XRCC6: variants seen among roughly 807,000 people sequenced by gnomAD.
XRCC6 encodes the protein X-ray repair cross complementing 6.
Under a neutral mutation model 65.7 loss-of-function variants are expected in XRCC6, and 5 were observed. That is an observed-to-expected ratio of 0.08 (90% CI 0.04 to 0.16). The LOEUF (loss-of-function observed/expected upper bound fraction) is 0.16. Ranked by LOEUF, XRCC6 falls within the 10% of genes least tolerant of loss-of-function variation. The pLI, the probability that XRCC6 is intolerant of heterozygous loss-of-function variation, is 1.00. For synonymous variants in XRCC6, 270 were observed against 270.6 expected (o/e 1.00, Z 0.02); for missense variants, 447 against 738.1 (o/e 0.61, Z 4.57).
intron 6 of XRCC6, among the ~76,000 whole-genome samples, chr22:41,644,526 C>T (rs780812292): frequency 9.2e-5 from 14 of 152,058 alleles, no homozygotes; most frequent in Non-Finnish European, 1.8e-4. Flanking sequence ...GGTCTGTCGT[C>T]CCAGGCTGGA....
chr22:41,637,630 C>T lies in XRCC6; in HGVS notation c.612C>T (p.His204=). The T allele has an allele frequency of 6.2e-7, 1 of 1,607,014 alleles. No homozygotes were observed. Among genetic ancestry groups the T allele is most frequent in the Non-Finnish European group, 8.5e-7 (1 of 1,177,286 alleles). ...RDTGIFLDLM[H]LKKPGGFDIS... ...CAGGCATCTTCCTTGACTTGATGCACCTGAAGAAACCTGGGGGCTTTGACA... is the reference window on the plus strand; with the variant it reads ...CAGGCATCTTCCTTGACTTGATGCATCTGAAGAAACCTGGGGGCTTTGACA... The change falls in exon 6 of 13, where the codon CAC becomes CAT. Residue 204 remains histidine, a synonymous_variant. Coordinates refer to ENST00000360079, the MANE Select transcript of XRCC6 (RefSeq NM_001469.5).
rs750448678 is a variant in XRCC6 at position 41,636,650 on chromosome 22, G to A, written c.469G>A (p.Val157Ile). 1.2e-6 allele frequency: 2 copies of A among 1,614,022 alleles called. No homozygotes were observed. Among genetic ancestry groups the A allele is most frequent in the South Asian group, 1.1e-5 (1 of 91,072 alleles). The change falls in exon 5 of 13, where the codon GTC becomes ATC. Residue 157 changes from valine to isoleucine, a missense_variant. This residue lies in a region of XRCC6 where 228 missense variants were observed against 307.4 expected (regional missense o/e 0.74). Transcript: ENST00000360079. ...LWVCANLFSDVQFKMSHKRIM... is the reference protein window; with the variant it reads ...LWVCANLFSDIQFKMSHKRIM... ...GGTCTGTGCCAACCTCTTTAGTGAT[G>A]TCCAATTCAAGATGAGTCATAAGAG...
intron 2 of XRCC6, 21 bp from the exon 3 acceptor site, chr22:41,628,096 TC>T: frequency 6.5e-7 from 1 of 1,527,854 alleles, no homozygotes; most frequent in African/African-American, 1.4e-5. Flanking sequence ...ACAAACATTT[TC>T]TTCCATTTTT....
chr22:41,642,456 T>A (rs1434222295), intron 6 of XRCC6, among the ~76,000 whole-genome samples: 1 of 152,202 alleles, frequency 6.6e-6, no homozygotes, highest in African/African-American at 2.4e-5. Context: ...TTTAACTTGA[T>A]GTGATCCTAT....
intron 6 of XRCC6, among the ~76,000 whole-genome samples, 169 bp from the exon 7 acceptor site, chr22:41,646,727 A>T (rs969042593): frequency 6.6e-6 from 1 of 152,158 alleles, no homozygotes. Flanking sequence ...ACAGATTCTG[A>T]GGTGGTATAG....
chr22:41,627,980 CAT>C (rs754888959), intron 2 of XRCC6, 136 bp from the exon 3 acceptor site: 4 of 520,382 alleles, frequency 7.7e-6, no homozygotes, highest in Non-Finnish European at 1.3e-5. Context: ...AATTTCCTGA[CAT>C]AGGTGGAGAT....
chr22:41,627,847 C>T (rs1472217552), intron 2 of XRCC6, among the ~76,000 whole-genome samples: 2 of 151,890 alleles, frequency 1.3e-5, no homozygotes, highest in African/African-American at 2.4e-5. Context: ...GCACTCCAGC[C>T]TGGGTGATGG....
At chr22:41,632,131 AGGGAGACCGTG>A (rs1482087271) in intron 3 of XRCC6, among the ~76,000 whole-genome samples, 76 of 147,804 alleles carry the variant, frequency 5.1e-4, no homozygotes, top group East Asian at 2.7e-3. Context: ...AGAGAGGGAG[AGGGAGACCGTG>A]GGGAGAGGGA....
intron 5 of XRCC6, among the ~76,000 whole-genome samples, chr22:41,637,277 G>T (rs1280318924): frequency 6.6e-6 from 1 of 151,912 alleles, no homozygotes; most frequent in African/African-American, 2.4e-5. Context: ...AGAGATGGGG[G>T]TTTCACCACG....
At chr22:41,636,317 G>A in intron 4 of XRCC6, 66 bp downstream of exon 4, 1 of 1,525,994 alleles carries the variant, frequency 6.6e-7, no homozygotes, top group Non-Finnish European at 8.8e-7. Context: ...GATCAAAGAG[G>A]ACTGTGGAGA....
intron 2 of XRCC6, among the ~76,000 whole-genome samples, chr22:41,624,089 A>G (rs1278500750): frequency 6.6e-6 from 1 of 151,738 alleles, no homozygotes; most frequent in Non-Finnish European, 1.5e-5. Flanking sequence ...ATCTCAATAA[A>G]TATACTGTAA....
intron 8 of XRCC6, among the ~76,000 whole-genome samples, 155 bp downstream of exon 8, chr22:41,651,046 C>G (rs2067989602): frequency 6.6e-6 from 1 of 152,174 alleles, no homozygotes; most frequent in South Asian, 2.1e-4. Flanking sequence ...TGGCTCACAC[C>G]TGTAATCCTA....
rs1555906700 is a variant in XRCC6, at chr22:41,649,139, AATAT to A, written c.961-1563_961-1560del. On this transcript the variant is annotated intron_variant, in intron 7 of 12. Transcript: ENST00000360079. Reference sequence around the variant, plus strand: ...GGGAAGAGAGTACAAAAAAAAAAAAAATATATATATATATATATATATATGTATG... The same window carrying A: ...GGGAAGAGAGTACAAAAAAAAAAAAAATATATATATATATATATATGTATG... Among the ~76,000 whole-genome samples the A allele has an allele frequency of 1.3e-3, 111 of 88,724 alleles. 3 individuals are homozygous for A. Among genetic ancestry groups the A allele is most frequent in the Middle Eastern group, 5.8e-3 (1 of 172 alleles). The allele number at this position is 88,724 out of a possible 152,430, so 58.2% of individuals were successfully genotyped here.
At chr22:41,621,766 G>T in intron 1 of XRCC6, 2 of 499,064 alleles carry the variant, frequency 4.0e-6, no homozygotes, top group Admixed American at 3.6e-5. Flanking sequence ...GCGGGCCGCC[G>T]CCGGCCCTGA....
Position 41,641,251 on chromosome 22 carries a change from G to C in XRCC6, c.773+3460G>C, listed in dbSNP as rs2067871986. ...TTGATATAAATAATAATAAATTGGA[G>C]ATATTGAGAACTAACAATGCCTTAG... On this transcript the variant is annotated intron_variant, in intron 6 of 12. Transcript: ENST00000360079. 3.3e-5 allele frequency among the ~76,000 whole-genome samples: 5 copies of C among 152,114 alleles called. No homozygotes were observed. The South Asian group carries it at 1.0e-3, about 32-fold the overall frequency.
intron 3 of XRCC6, among the ~76,000 whole-genome samples, chr22:41,632,865 A>T (rs552300699): frequency 6.6e-6 from 1 of 151,362 alleles, no homozygotes; most frequent in East Asian, 1.9e-4. Flanking sequence ...GCGGTGGCTC[A>T]TGCCTGTAAT....
chr22:41,649,397 A>T (rs2067972730), intron 7 of XRCC6, among the ~76,000 whole-genome samples: 1 of 150,802 alleles, frequency 6.6e-6, no homozygotes, highest in African/African-American at 2.4e-5. Context: ...GCTGGTCTCG[A>T]ATTCCTGGGC....
rs569190443 is a variant in XRCC6, at chr22:41,651,519, A to T, written c.1129+628A>T. Among the ~76,000 whole-genome samples, 104 of 141,422 alleles carry T rather than the reference A, an allele frequency of 7.4e-4. 3 individuals carry two copies. The highest frequency in any genetic ancestry group is 2.5e-3 in the Admixed American group (35 of 14,056). The allele number at this position is 141,422 out of a possible 152,430, so 92.8% of individuals were successfully genotyped here. A position where few individuals can be genotyped will look rare whatever the true frequency, so the allele number is the denominator to read the frequency against. ...CTGTGGAATTTAGCTTTATATATAT[A>T]TATTTTTTTAATTTAATTTTTTTTT... On this transcript the variant is annotated intron_variant, in intron 8 of 12. Coordinates refer to ENST00000360079, the MANE Select transcript of XRCC6 (RefSeq NM_001469.5).
intron 7 of XRCC6, among the ~76,000 whole-genome samples, chr22:41,650,121 T>C (rs2067981288): frequency 1.3e-5 from 2 of 151,732 alleles, no homozygotes; most frequent in South Asian, 2.1e-4. Flanking sequence ...TTTTTTGTGT[T>C]GGGGGGATAG....
Sources: allele counts gnomAD v4.1 joint callset (sites outside exome capture counted in the v4.1 genomes callset), GRCh38; gene constraint gnomAD v4.1.1; regional missense constraint gnomAD v4.1.1; transcripts MANE v1.5; gene names NCBI Gene and HGNC (gene_info 2026-07-23, HGNC 2026-07-21).